The following CSMD1 variants were observed in gnomAD, a reference collection of about 807,000 sequenced individuals.
CSMD1 encodes CUB and sushi domain-containing protein 1.
A neutral mutation model predicts 417.5 loss-of-function variants in CSMD1; 213 were observed. That is an observed-to-expected ratio of 0.51 (90% confidence interval 0.46 to 0.57). CSMD1 has a LOEUF of 0.57. Ranked by LOEUF, CSMD1 falls within the 20% of genes least tolerant of loss-of-function variation. CSMD1 has a pLI of 0.00. For synonymous variants in CSMD1, 2,862 were observed against 1,736.8 expected (o/e 1.65, Z -16.11); for missense variants, 6,923 against 4,529.7 (o/e 1.53, Z -15.17).
At chr8:4,255,618 A>C (rs1379987163) in intron 3 of CSMD1, among the ~76,000 whole-genome samples, 1 of 152,224 alleles carries the variant, frequency 6.6e-6, no homozygotes, top group Non-Finnish European at 1.5e-5. Context: ...CTTGATTTTT[A>C]TCAGCAACAA....
chr8:3,677,733 A>T (rs112364233), intron 7 of CSMD1, among the ~76,000 whole-genome samples: 52 of 152,310 alleles, frequency 3.4e-4, no homozygotes, highest in African/African-American at 1.1e-3. Context: ...TCTTTTGGAA[A>T]AAAGCCCTAA....
At chr8:4,412,526 C>A (rs553046483) in intron 3 of CSMD1, among the ~76,000 whole-genome samples, 1 of 152,164 alleles carries the variant, frequency 6.6e-6, no homozygotes, top group South Asian at 2.1e-4. Context: ...CCTATTTTAT[C>A]GGAAAATTAC....
At chr8:4,339,131 C>T (rs1800336724) in intron 3 of CSMD1, among the ~76,000 whole-genome samples, 2 of 152,012 alleles carry the variant, frequency 1.3e-5, no homozygotes, top group Admixed American at 6.6e-5. Context: ...AAATATATTC[C>T]AACTACAAAT....
At chr8:4,794,529 C>T (rs1019254229) in intron 1 of CSMD1, among the ~76,000 whole-genome samples, 5 of 152,134 alleles carry the variant, frequency 3.3e-5, no homozygotes, top group African/African-American at 1.2e-4. Flanking sequence ...TCCATCTCTG[C>T]CTGACTCTCC....
At chr8:4,000,339 G>C (rs1309967052) in intron 4 of CSMD1, among the ~76,000 whole-genome samples, 1 of 152,270 alleles carries the variant, frequency 6.6e-6, no homozygotes, top group African/African-American at 2.4e-5. Context: ...ACATTCTTGG[G>C]AAGAGCTACT....
rs556393610 is a variant in CSMD1, at chr8:4,025,669, G to C, written c.610+6236C>G. Among the ~76,000 whole-genome samples the C allele has an allele frequency of 2.0e-5, 3 of 152,268 alleles. No homozygotes were observed. The South Asian group carries it at 6.2e-4, about 32-fold the overall frequency. On this transcript the variant is annotated intron_variant, in intron 4 of 69. Transcript: ENST00000635120. The stretch of plus-strand genomic sequence containing the variant: ...GAATTAAGAAAGACACAGATCTTAA[G>C]TTGAAAGACTCAAGAATAACGAATA...
At chr8:4,112,653 A>T (rs143066947) in intron 3 of CSMD1, among the ~76,000 whole-genome samples, 1 of 152,192 alleles carries the variant, frequency 6.6e-6, no homozygotes, top group Non-Finnish European at 1.5e-5. Flanking sequence ...ATCCTGCCCC[A>T]AATCCCACAA....
chr8:4,035,669 A>G (rs1209189970), intron 3 of CSMD1, among the ~76,000 whole-genome samples: 4 of 152,216 alleles, frequency 2.6e-5, no homozygotes, highest in African/African-American at 7.2e-5. Context: ...TAACAATATA[A>G]ATGTTTTGCA....
At chr8:4,300,726 T>C (rs1442603940) in intron 3 of CSMD1, among the ~76,000 whole-genome samples, 2 of 152,144 alleles carry the variant, frequency 1.3e-5, no homozygotes, top group South Asian at 2.1e-4. Context: ...GATGTTCCCC[T>C]TCCTGCGTCC....
intron 57 of CSMD1, among the ~76,000 whole-genome samples, chr8:2,967,073 G>A (rs1415590175): frequency 2.0e-5 from 3 of 152,088 alleles, no homozygotes; most frequent in Non-Finnish European, 4.4e-5. Flanking sequence ...TGCTATTTGG[G>A]GATTGAATGT....
intron 2 of CSMD1, among the ~76,000 whole-genome samples, chr8:4,517,784 G>A (rs142197529): frequency 3.7e-4 from 56 of 152,252 alleles, no homozygotes; most frequent in African/African-American, 1.3e-3. Flanking sequence ...AAACTTAAAT[G>A]TAAATAATAA....
At chr8:4,732,758 C>T (rs2116964765) in intron 1 of CSMD1, among the ~76,000 whole-genome samples, 1 of 152,164 alleles carries the variant, frequency 6.6e-6, no homozygotes, top group East Asian at 1.9e-4. Flanking sequence ...ACTAAGCAGG[C>T]ATTTTATAGC....
chr8:4,191,430 A>G (rs540650728), intron 3 of CSMD1, among the ~76,000 whole-genome samples: 1 of 151,816 alleles, frequency 6.6e-6, no homozygotes, highest in African/African-American at 2.4e-5. Flanking sequence ...ACAAAACAAA[A>G]AACACAAAAA....
At chr8:3,532,239 C>G (rs927366447) in intron 10 of CSMD1, among the ~76,000 whole-genome samples, 4 of 152,132 alleles carry the variant, frequency 2.6e-5, no homozygotes, top group African/African-American at 4.8e-5. Context: ...AGACCAAGAA[C>G]TCTAGGTGTC....
At chr8:3,495,617 A>C (rs1796332692) in intron 10 of CSMD1, among the ~76,000 whole-genome samples, 1 of 152,244 alleles carries the variant, frequency 6.6e-6, no homozygotes, top group Admixed American at 6.5e-5. Context: ...GGTCTTGCAT[A>C]GACAGCTTTT....
In CSMD1 at chr8:4,362,951, A is replaced by C. The variant is rs150321237; in HGVS notation, c.415+57002T>G. Among the ~76,000 whole-genome samples, 741 of 152,322 alleles carry C rather than the reference A, an allele frequency of 4.9e-3. 8 individuals are homozygous for C. Among genetic ancestry groups the C allele is most frequent in the African/African-American group, 0.017 (713 of 41,562 alleles). On this transcript the variant is annotated intron_variant, in intron 3 of 69. Coordinates refer to ENST00000635120, the MANE Select transcript of CSMD1 (RefSeq NM_033225.6). ...CTGTTAGGACAAGTCTATGTAATTTAAGCCAAATATCTAAAAACTGCTATC... is the reference window on the plus strand; with the variant it reads ...CTGTTAGGACAAGTCTATGTAATTTCAGCCAAATATCTAAAAACTGCTATC...
intron 5 of CSMD1, among the ~76,000 whole-genome samples, chr8:3,810,345 T>C (rs1294553683): frequency 6.6e-6 from 1 of 152,156 alleles, no homozygotes; most frequent in East Asian, 1.9e-4. Flanking sequence ...AAATAGTGCT[T>C]CTCAGTCACA....
At chr8:3,732,451 A>C (rs1176727756) in intron 6 of CSMD1, among the ~76,000 whole-genome samples, 5 of 152,196 alleles carry the variant, frequency 3.3e-5, no homozygotes, top group Admixed American at 3.3e-4. Flanking sequence ...CTCATTCCTT[A>C]GGAATAGTAA....
At chr8:3,471,944 T>G (rs1563071319) in intron 11 of CSMD1, among the ~76,000 whole-genome samples, 1 of 152,056 alleles carries the variant, frequency 6.6e-6, no homozygotes, top group Non-Finnish European at 1.5e-5. Context: ...GAGGAGAGTG[T>G]TTTCCCTTCT....
Sources: allele counts gnomAD v4.1 joint callset (sites outside exome capture counted in the v4.1 genomes callset), GRCh38; gene constraint gnomAD v4.1.1; transcripts MANE v1.5; gene names NCBI Gene and HGNC (gene_info 2026-07-23, HGNC 2026-07-21).